Variants in CPE observed in about 807,000 individuals in gnomAD.
CPE encodes the protein carbocypeptidase E.
A neutral mutation model predicts 53.5 loss-of-function variants in CPE; 17 were observed. That is an observed-to-expected ratio of 0.32 (90% CI 0.22 to 0.48). The LOEUF is 0.48. Among genes scored for constraint, CPE ranks in the 20% least tolerant of loss-of-function variants. The pLI, the probability that CPE is intolerant of heterozygous loss-of-function variation, is 0.99. For missense variants in CPE, 524 were observed against 614.7 expected (o/e 0.85, Z 1.56); for synonymous variants, 226 against 228.8 (o/e 0.99, Z 0.11).
chr4:165,441,720 A>G (rs1319862720), intron 1 of CPE, among the ~76,000 whole-genome samples: 1 of 152,220 alleles, frequency 6.6e-6, no homozygotes, highest in Non-Finnish European at 1.5e-5. Context: ...GATAGAGGGC[A>G]TGAATTATGG....
chr4:165,440,552 T>C (rs1323210728), intron 1 of CPE, among the ~76,000 whole-genome samples: 1 of 150,726 alleles, frequency 6.6e-6, no homozygotes, highest in Admixed American at 6.7e-5. Context: ...ATGCACACCA[T>C]GGAAATAAAC....
intron 1 of CPE, among the ~76,000 whole-genome samples, chr4:165,435,581 T>A (rs1289347064): frequency 6.6e-6 from 1 of 152,242 alleles, no homozygotes; most frequent in Non-Finnish European, 1.5e-5. Flanking sequence ...AGCCAGGATA[T>A]GAGGACTATG....
intron 1 of CPE, among the ~76,000 whole-genome samples, chr4:165,424,679 G>A (rs1490870304): frequency 7.9e-5 from 12 of 151,574 alleles, no homozygotes; most frequent in South Asian, 2.1e-4. Context: ...GATTACAGGC[G>A]CCCGCCACCA....
In CPE at chr4:165,464,514, C is replaced by T; in HGVS notation, c.432C>T (p.Asn144=). 6.2e-7 allele frequency: 1 copy of T among 1,613,954 alleles called. No individual in the cohort carries two copies. Among genetic ancestry groups the T allele is most frequent in the Non-Finnish European group, 8.5e-7 (1 of 1,179,924 alleles). ...AGAAGGGGAACGAGACAATTGTCAA[C>T]CTGATCCACAGTACCCGCATTCACA... The part of the protein sequence containing the change: ...EYQKGNETIV[N]LIHSTRIHIM... Residue 144 remains asparagine (N), a synonymous_variant, in exon 2 of 9, where the codon AAC becomes AAT. Transcript: ENST00000402744.
intron 1 of CPE, among the ~76,000 whole-genome samples, chr4:165,413,051 T>G (rs1207055032): frequency 6.6e-6 from 1 of 152,226 alleles, no homozygotes; most frequent in East Asian, 1.9e-4. Flanking sequence ...ACTTGCACTC[T>G]CTGAGCCCTA....
Sources: allele counts gnomAD v4.1 joint callset (sites outside exome capture counted in the v4.1 genomes callset), GRCh38; gene constraint gnomAD v4.1.1; transcripts MANE v1.5; gene names NCBI Gene and HGNC (gene_info 2026-07-23, HGNC 2026-07-21).